The following CAMKMT variants were observed in gnomAD, a reference collection of about 807,000 sequenced individuals.
CAMKMT encodes CaM KMT.
In CAMKMT, 53 loss-of-function variants were observed where a neutral mutation model predicts 48.0. The ratio of observed to expected loss-of-function variants is 1.10; its 90% CI spans 0.89 to 1.39. CAMKMT has a LOEUF of 1.39. CAMKMT is among the 40% of genes most tolerant of loss of function. The probability of loss-of-function intolerance (pLI) is 0.00; values close to 1 mark genes in which losing one functional copy is unlikely to be tolerated. For missense variants in CAMKMT, 428 were observed against 402.7 expected, an observed-to-expected ratio of 1.06 and a Z score of -0.54; for synonymous variants, 165 against 152.3, an observed-to-expected ratio of 1.08 and a Z score of -0.61.
intron 3 of CAMKMT, among the ~76,000 whole-genome samples, chr2:44,491,518 T>G (rs987473195): frequency 2.0e-5 from 3 of 152,226 alleles, no homozygotes; most frequent in Non-Finnish European, 4.4e-5. Context: ...ACAAAAATTT[T>G]GGAATATTTT....
chr2:44,585,673 C>T (rs1236217691), intron 3 of CAMKMT, among the ~76,000 whole-genome samples: 3 of 152,222 alleles, frequency 2.0e-5, no homozygotes, highest in African/African-American at 7.2e-5. Flanking sequence ...ATAAAAGTGA[C>T]AATTGTGTAC....
chr2:44,491,051 G>A (rs772397520), intron 3 of CAMKMT, among the ~76,000 whole-genome samples: 10 of 151,734 alleles, frequency 6.6e-5, no homozygotes, highest in Non-Finnish European at 1.5e-4. Flanking sequence ...CTTGGGAGGC[G>A]GAGGTGGGAG....
intron 3 of CAMKMT, among the ~76,000 whole-genome samples, chr2:44,607,388 A>C (rs1671345506): frequency 6.6e-6 from 1 of 152,194 alleles, no homozygotes; most frequent in South Asian, 2.1e-4. Context: ...AATGTCTAAA[A>C]AGTATTTTTT....
intron 10 of CAMKMT, 99 bp downstream of exon 10, chr2:44,766,660 A>C: frequency 7.6e-7 from 1 of 1,310,876 alleles, no homozygotes; most frequent in Non-Finnish European, 1.1e-6. Flanking sequence ...TGATTAAAGT[A>C]CTCCTTAGAT....
chr2:44,714,144 A>C (rs1337926223), intron 6 of CAMKMT, among the ~76,000 whole-genome samples: 1 of 152,208 alleles, frequency 6.6e-6, no homozygotes, highest in Admixed American at 6.5e-5. Context: ...AGGTCAGTAG[A>C]GAAAACATAC....
At chr2:44,423,914 T>G (rs1684097248) in intron 3 of CAMKMT, among the ~76,000 whole-genome samples, 1 of 152,226 alleles carries the variant, frequency 6.6e-6, no homozygotes, top group East Asian at 1.9e-4. Flanking sequence ...ATGGTATTTC[T>G]TGATTCATCA....
At chr2:44,440,343 A>G (rs900367233) in intron 3 of CAMKMT, among the ~76,000 whole-genome samples, 3 of 152,094 alleles carry the variant, frequency 2.0e-5, no homozygotes, top group African/African-American at 7.2e-5. Flanking sequence ...GTATTATTTT[A>G]TTTTTTGGAT....
intron 3 of CAMKMT, among the ~76,000 whole-genome samples, chr2:44,552,372 C>T (rs561299361): frequency 3.2e-4 from 48 of 151,996 alleles, no homozygotes; most frequent in Non-Finnish European, 6.5e-4. Context: ...GCAAACTGAA[C>T]CAATTCATTT....
chr2:44,460,973 C>T (rs1667820316), intron 3 of CAMKMT, among the ~76,000 whole-genome samples: 1 of 152,130 alleles, frequency 6.6e-6, no homozygotes, highest in Non-Finnish European at 1.5e-5. Context: ...ATCCACCCGC[C>T]TCAGCCTCCC....
intron 3 of CAMKMT, among the ~76,000 whole-genome samples, chr2:44,660,850 C>G (rs1674641207): frequency 6.6e-6 from 1 of 152,100 alleles, no homozygotes; most frequent in African/African-American, 2.4e-5. Context: ...TTCAAGTGAT[C>G]CTCCCATCTT....
intron 3 of CAMKMT, among the ~76,000 whole-genome samples, chr2:44,661,677 T>C (rs1035275966): frequency 7.2e-5 from 11 of 152,212 alleles, no homozygotes; most frequent in African/African-American, 2.7e-4. Flanking sequence ...TTTGTTTCTC[T>C]TTCCATGAAA....
chr2:44,381,016 C>T (rs567546523), intron 2 of CAMKMT, among the ~76,000 whole-genome samples: 1 of 151,920 alleles, frequency 6.6e-6, no homozygotes, highest in South Asian at 2.1e-4. Flanking sequence ...AAAAATTAGC[C>T]GGGAGTGGTG....
chr2:44,493,665 A>C lies in CAMKMT; in HGVS notation c.376+103360A>C, dbSNP rs576275423. Among the ~76,000 whole-genome samples, 4 of 152,296 alleles carry C rather than the reference A, an allele frequency of 2.6e-5. No individual in the cohort carries two copies. The South Asian group carries it at 6.2e-4, about 24-fold the overall frequency. ...GACTTTTCCTTTTTGAAGTGTGACT[A>C]AACTTTGAGAGCTCCTTCTTTGGTA... On this transcript the variant is annotated intron_variant, in intron 3 of 10. Transcript: ENST00000378494.
At chr2:44,769,445 C>T (rs77816558) in intron 10 of CAMKMT, among the ~76,000 whole-genome samples, 97 of 152,330 alleles carry the variant, frequency 6.4e-4, no homozygotes, top group African/African-American at 2.3e-3. Flanking sequence ...CTTCCCTCTC[C>T]TCCCCAGCCT....
chr2:44,586,164 G>A (rs1270574504), intron 3 of CAMKMT, among the ~76,000 whole-genome samples: 2 of 152,206 alleles, frequency 1.3e-5, no homozygotes, highest in Non-Finnish European at 2.9e-5. Flanking sequence ...GGTGGCATAG[G>A]TGTTAAAGGC....
chr2:44,638,081 G>A (rs1420992174), intron 3 of CAMKMT, among the ~76,000 whole-genome samples: 4 of 147,230 alleles, frequency 2.7e-5, no homozygotes, highest in South Asian at 2.2e-4. Context: ...AAGAGAAAAA[G>A]AAAAAGAAAA....
intron 3 of CAMKMT, among the ~76,000 whole-genome samples, chr2:44,467,442 G>A (rs2104639074): frequency 6.6e-6 from 1 of 152,054 alleles, no homozygotes; most frequent in Admixed American, 6.5e-5. Context: ...TGAGACAGGA[G>A]AATCCCTTGA....
intron 3 of CAMKMT, among the ~76,000 whole-genome samples, chr2:44,542,447 T>C (rs1052687640): frequency 1.3e-5 from 2 of 149,322 alleles, no homozygotes; most frequent in Middle Eastern, 3.3e-3. Context: ...AGCAAAGACC[T>C]CCACTCAAGT....
chr2:44,424,977 T>C (rs1249299067), intron 3 of CAMKMT, among the ~76,000 whole-genome samples: 1 of 152,182 alleles, frequency 6.6e-6, no homozygotes, highest in African/African-American at 2.4e-5. Context: ...TTTTGGGATA[T>C]ACATGATCTA....
Sources: allele counts gnomAD v4.1 joint callset (sites outside exome capture counted in the v4.1 genomes callset), GRCh38; gene constraint gnomAD v4.1.1; transcripts MANE v1.5; gene names NCBI Gene and HGNC (gene_info 2026-07-23, HGNC 2026-07-21).